Variants in PRORP observed in about 807,000 individuals in gnomAD.
The protein encoded by PRORP is mitochondrial ribonuclease P catalytic subunit.
A neutral mutation model predicts 59.4 loss-of-function variants in PRORP; 51 were observed. The ratio of observed to expected loss-of-function variants is 0.86; its 90% CI spans 0.69 to 1.08. The LOEUF is 1.08. Among genes scored for constraint, PRORP ranks in the 50% least tolerant of loss-of-function variants. PRORP has a pLI of 0.00. For synonymous variants in PRORP, 231 were observed against 245.6 expected (o/e 0.94, Z 0.55); for missense variants, 646 against 690.3 (o/e 0.94, Z 0.72).
At chr14:35,259,428 A>G (rs915575634) in intron 5 of PRORP, among the ~76,000 whole-genome samples, 2 of 151,968 alleles carry the variant, frequency 1.3e-5, no homozygotes, top group African/African-American at 2.4e-5. Flanking sequence ...TAATTGGTAT[A>G]TGTAGACTTT....
intron 5 of PRORP, among the ~76,000 whole-genome samples, chr14:35,231,510 A>G (rs923495012): frequency 2.6e-5 from 4 of 152,172 alleles, no homozygotes; most frequent in South Asian, 2.1e-4. Context: ...GAAATTATAC[A>G]TGAGCTATGC....
intron 5 of PRORP, among the ~76,000 whole-genome samples, chr14:35,264,931 G>C (rs1211899032): frequency 6.6e-6 from 1 of 152,212 alleles, no homozygotes; most frequent in Non-Finnish European, 1.5e-5. Context: ...GGAGGTTGCA[G>C]TGAACTGAGA....
chr14:35,192,449 C>CT (rs1390047185), intron 5 of PRORP, among the ~76,000 whole-genome samples: 1 of 152,120 alleles, frequency 6.6e-6, no homozygotes, highest in East Asian at 1.9e-4. Context: ...CCTGGATTGT[C>CT]TTTTTCAATA....
At position 35,276,303 on chromosome 14, in the gene PRORP, T is replaced by A. The variant is rs1160138436; in HGVS notation, c.*2737T>A. The stretch of plus-strand genomic sequence containing the variant: ...GCCTAGGTGACAGAGTGAGACCCTG[T>A]CTCAAAGGGAGGGAGGTAAGAATGA... On this transcript the variant is annotated 3_prime_UTR_variant, in exon 8 of 8. Transcript: ENST00000534898. 6.6e-6 allele frequency: 1 copy of A among 152,506 alleles called. No individual in the cohort carries two copies. Among genetic ancestry groups the A allele is most frequent in the Admixed American group, 6.6e-5 (1 of 15,254 alleles). 9.4% of individuals were successfully genotyped at this position (152,506 alleles called of 1,614,324 possible). A position where few individuals can be genotyped will look rare whatever the true frequency, so the allele number is the denominator to read the frequency against.
Position 35,273,719 on chromosome 14 carries a change from A to G in PRORP, c.*153A>G. The G allele has an allele frequency of 3.2e-6, 2 of 633,022 alleles. No homozygotes were observed. The highest frequency in any genetic ancestry group is 3.8e-5 in the South Asian group (1 of 26,192). The allele number at this position is 633,022 out of a possible 1,614,324, so 39.2% of individuals were successfully genotyped here. On this transcript the variant is annotated 3_prime_UTR_variant, in exon 8 of 8. Coordinates refer to ENST00000534898, the MANE Select transcript of PRORP (RefSeq NM_014672.4). ...GACATTGATTTTTTAATGAAATGAGATATATCTTTTCATAACCAGCTGCGT... is the reference window on the plus strand; with the variant it reads ...GACATTGATTTTTTAATGAAATGAGGTATATCTTTTCATAACCAGCTGCGT...
rs1566543116 is a variant in PRORP at position 35,273,655 on chromosome 14, C to T, written c.*89C>T. 1.7e-6 allele frequency: 2 copies of T among 1,206,692 alleles called. No homozygotes were observed. Among genetic ancestry groups the T allele is most frequent in the East Asian group, 2.5e-5 (1 of 39,554 alleles). The allele number at this position is 1,206,692 out of a possible 1,614,324, so 74.7% of individuals were successfully genotyped here. A position where few individuals can be genotyped will look rare whatever the true frequency, so the allele number is the denominator to read the frequency against. On this transcript the variant is annotated 3_prime_UTR_variant, in exon 8 of 8. Transcript: ENST00000534898. ...GAGCTGGTGTTTGTTTAGGGCATTG[C>T]CTCTGTCCTGAAGATAAAAGGATTC...
intron 5 of PRORP, among the ~76,000 whole-genome samples, chr14:35,206,543 C>G (rs1397201348): frequency 6.6e-6 from 1 of 152,188 alleles, no homozygotes; most frequent in Non-Finnish European, 1.5e-5. Context: ...CAACCAGACC[C>G]AGGTTTAAAC....
chr14:35,214,184 G>A (rs1199309110), intron 5 of PRORP, among the ~76,000 whole-genome samples: 1 of 152,212 alleles, frequency 6.6e-6, no homozygotes, highest in Non-Finnish European at 1.5e-5. Flanking sequence ...TGTCTGGGAA[G>A]CAAGGGTACT....
intron 4 of PRORP, among the ~76,000 whole-genome samples, chr14:35,168,292 G>A (rs1041570860): frequency 2.6e-5 from 4 of 152,006 alleles, no homozygotes; most frequent in African/African-American, 7.2e-5. Flanking sequence ...TTTTAATTTC[G>A]GCCATTCTAG....
intron 4 of PRORP, among the ~76,000 whole-genome samples, chr14:35,131,095 A>G (rs1595162504): frequency 6.6e-6 from 1 of 150,770 alleles, no homozygotes; most frequent in African/African-American, 2.4e-5. Flanking sequence ...GGCGTGCACC[A>G]CCAGACCTGG....
At chr14:35,136,331 A>G (rs965819689) in intron 4 of PRORP, among the ~76,000 whole-genome samples, 1 of 152,000 alleles carries the variant, frequency 6.6e-6, no homozygotes, top group African/African-American at 2.4e-5. Context: ...AAGAACAGGT[A>G]TGAGGAGAAG....
intron 5 of PRORP, among the ~76,000 whole-genome samples, chr14:35,259,074 G>A (rs1397860195): frequency 6.6e-6 from 1 of 152,202 alleles, no homozygotes; most frequent in Non-Finnish European, 1.5e-5. Context: ...TGTAGTTGTA[G>A]ATTTGGCTAT....
intron 5 of PRORP, among the ~76,000 whole-genome samples, chr14:35,207,692 A>G (rs1459387364): frequency 1.3e-5 from 2 of 152,208 alleles, no homozygotes; most frequent in South Asian, 2.1e-4. Context: ...GTATCTGTCT[A>G]TCCCTCAATT....
rs77052413 is a variant in PRORP, at chr14:35,231,354, C to T, written c.1276-35373C>T. On this transcript the variant is annotated intron_variant, in intron 5 of 7. Coordinates refer to ENST00000534898, the MANE Select transcript of PRORP (RefSeq NM_014672.4). ...TGGGAAATTACCAGTTTTTATTTTT[C>T]ACGCTTCTCAACTAGTATATCCTGA... Among the ~76,000 whole-genome samples, 639 of 152,160 alleles carry T rather than the reference C, an allele frequency of 4.2e-3. 8 individuals carry two copies. Among genetic ancestry groups the T allele is most frequent in the African/African-American group, 0.014 (599 of 41,524 alleles).
intron 5 of PRORP, chr14:35,219,106 C>T (rs1472696774): frequency 1.3e-5 from 2 of 152,326 alleles, no homozygotes; most frequent in East Asian, 1.9e-4. Context: ...TGTTGGCCAC[C>T]TTCATGGCCT....
intron 5 of PRORP, among the ~76,000 whole-genome samples, chr14:35,252,114 A>T (rs1287366035): frequency 6.6e-6 from 1 of 152,208 alleles, no homozygotes; most frequent in Non-Finnish European, 1.5e-5. Flanking sequence ...TTTTGGCCAA[A>T]TATTAACATG....
At chr14:35,122,017 C>A (rs1160555088), upstream of PRORP, 3 of 1,593,452 alleles carry the variant, frequency 1.9e-6, no homozygotes, top group Non-Finnish European at 2.6e-6. Context: ...TCCACCCCTA[C>A]CAGCTCAGGC....
intron 5 of PRORP, among the ~76,000 whole-genome samples, chr14:35,191,297 G>C (rs2048877521): frequency 6.6e-6 from 1 of 152,176 alleles, no homozygotes. Context: ...CCACCGCCAT[G>C]TAAGACGTGC....
intron 4 of PRORP, among the ~76,000 whole-genome samples, chr14:35,141,993 C>T (rs1429817092): frequency 6.9e-6 from 1 of 145,344 alleles, no homozygotes; most frequent in Non-Finnish European, 1.5e-5. Flanking sequence ...ATTCTCCTGC[C>T]TCAGCCTCCT....
Sources: allele counts gnomAD v4.1 joint callset (sites outside exome capture counted in the v4.1 genomes callset), GRCh38; gene constraint gnomAD v4.1.1; transcripts MANE v1.5; gene names NCBI Gene and HGNC (gene_info 2026-07-23, HGNC 2026-07-21).